Variants in PCSK9 observed in about 807,000 individuals in gnomAD.
PCSK9 encodes the protein convertase subtilisin/kexin type 9 preproprotein.
In PCSK9, 57 loss-of-function variants were observed where a neutral mutation model predicts 62.1. That is an observed-to-expected ratio of 0.92 (90% CI 0.74 to 1.14). The LOEUF is 1.14. Ranked by LOEUF, PCSK9 falls within the 50% of genes most tolerant of loss-of-function variation. The pLI is 0.00. For missense variants in PCSK9, 870 were observed against 959.8 expected, an observed-to-expected ratio of 0.91 and a Z score of 1.24; for synonymous variants, 387 against 409.4, an observed-to-expected ratio of 0.95 and a Z score of 0.66.
In PCSK9 at chr1:55,063,262, C is replaced by T. The variant is rs574293036; in HGVS notation, c.1864-107C>T. The T allele has an allele frequency of 4.6e-4, 557 of 1,216,054 alleles. 7 individuals are homozygous for T. In the South Asian group the frequency reaches 7.0e-3, roughly 15 times the overall value. The allele number at this position is 1,216,054 out of a possible 1,614,324, so 75.3% of individuals were successfully genotyped here. A position where few individuals can be genotyped will look rare whatever the true frequency, so the allele number is the denominator to read the frequency against. ...AAATGGGCTCTGAGCCAGCGAGGGC[C>T]GTCTGCACTTTGGCCTCACAGAAGG... On this transcript the variant is annotated intron_variant, in intron 11 of 11. Coordinates refer to ENST00000302118, the MANE Select transcript of PCSK9 (RefSeq NM_174936.4).
At chr1:55,052,930 G>A in intron 5 of PCSK9, 139 bp downstream of exon 5, 1 of 1,445,164 alleles carries the variant, frequency 6.9e-7, no homozygotes, top group South Asian at 1.2e-5. Flanking sequence ...GAGAACCAGA[G>A]TGCCAAGGCT....
chr1:55,052,360 C>T lies in PCSK9; in HGVS notation c.606C>T (p.Val202=), dbSNP rs760346826. ...DHREIEGRVM[V]TDFENVPEED... ...GGGAAATCGAGGGCAGGGTCATGGT[C>T]ACCGACTTCGAGAATGTGCCCGAGG... The change falls in exon 4 of 12, where the codon GTC becomes GTT. Residue 202 remains valine (V), a synonymous_variant. Transcript: ENST00000302118. 1 of 1,613,978 alleles carries T rather than the reference C, an allele frequency of 6.2e-7. No homozygotes were observed. Among genetic ancestry groups the T allele is most frequent in the South Asian group, 1.1e-5 (1 of 91,064 alleles).
chr1:55,064,572 A>C lies in PCSK9; in HGVS notation c.*988A>C, dbSNP rs1281534890. On this transcript the variant is annotated 3_prime_UTR_variant, in exon 12 of 12. Coordinates refer to ENST00000302118, the MANE Select transcript of PCSK9 (RefSeq NM_174936.4). ...GGCAGAACGATGCCTGCAGGCATGG[A>C]ACTTTTTCCGTTATCACCCAGGCCT... 6.6e-6 allele frequency: 1 copy of C among 152,142 alleles called. No individual in the cohort carries two copies. Among genetic ancestry groups the C allele is most frequent in the Non-Finnish European group, 1.5e-5 (1 of 68,028 alleles). 9.4% of individuals were successfully genotyped at this position (152,142 alleles called of 1,614,324 possible). A position where few individuals can be genotyped will look rare whatever the true frequency, so the allele number is the denominator to read the frequency against.
chr1:55,061,666 T>A, intron 11 of PCSK9, 110 bp downstream of exon 11: 1 of 1,387,058 alleles, frequency 7.2e-7, no homozygotes, highest in South Asian at 1.2e-5. Context: ...GGGTGGCGGT[T>A]TGCCAGGTAG....
chr1:55,040,858 T>C lies in PCSK9; in HGVS notation c.207+814T>C, dbSNP rs1057027246. 1.1e-4 allele frequency among the ~76,000 whole-genome samples: 17 copies of C among 152,216 alleles called. No homozygotes were observed. On this transcript the variant is annotated intron_variant, in intron 1 of 11. Coordinates refer to ENST00000302118, the MANE Select transcript of PCSK9 (RefSeq NM_174936.4). The surrounding 1 kb of genome is among the most constrained non-coding windows in gnomAD (Gnocchi z 4.1). Reference sequence around the variant, plus strand: ...GCGGGGCGAGTTTGCTCAACAACTCTGCCAGCTTCTGGCCCTCAGGCTGTG... The same window carrying C: ...GCGGGGCGAGTTTGCTCAACAACTCCGCCAGCTTCTGGCCCTCAGGCTGTG...
At position 55,058,148 on chromosome 1, in the gene PCSK9, G is replaced by A. The variant is rs777706463; in HGVS notation, c.1293G>A (p.Glu431=). The change falls in exon 8 of 12, where the codon GAG becomes GAA. Residue 431 remains glutamate (E), a synonymous_variant. Coordinates refer to ENST00000302118, the MANE Select transcript of PCSK9 (RefSeq NM_174936.4). The part of the protein sequence containing the change: ...KDVINEAWFP[E]DQRVLTPNLV... ...TCATCAATGAGGCCTGGTTCCCTGA[G>A]GACCAGCGGGTACTGACCCCCAACC... The A allele has an allele frequency of 5.6e-6, 9 of 1,613,458 alleles. No homozygotes were observed. The Admixed American group carries it at 1.0e-4, about 18-fold the overall frequency.
At chr1:55,052,121 G>T in intron 3 of PCSK9, 157 bp from the exon 4 acceptor site, 1 of 996,714 alleles carries the variant, frequency 1.0e-6, no homozygotes. Context: ...TTATAGAATA[G>T]GATGTAGTGT....
chr1:55,058,677 GTGTGTGTGTGT>G, intron 9 of PCSK9, 30 bp downstream of exon 9: 1 of 53,656 alleles, frequency 1.9e-5, no homozygotes, highest in Admixed American at 1.1e-3. Context: ...GTGTGTGTGT[GTGTGTGTGTGT>G]GTGTGTGTGT....
rs1189141189 is a variant in PCSK9, at chr1:55,063,770, C to T, written c.*186C>T. The T allele has an allele frequency of 3.0e-6, 2 of 674,198 alleles. No homozygotes were observed. Among genetic ancestry groups the T allele is most frequent in the Non-Finnish European group, 4.9e-6 (2 of 406,460 alleles). 41.8% of individuals were successfully genotyped at this position (674,198 alleles called of 1,614,324 possible). ...AGCCTCCTTGCCTGGAACTCACTCA[C>T]TCTGGGTGCCTCCTCCCCAGGTGGA... On this transcript the variant is annotated 3_prime_UTR_variant, in exon 12 of 12. Transcript: ENST00000302118.
At chr1:55,063,282 A>C in intron 11 of PCSK9, 87 bp from the exon 12 acceptor site, 2 of 1,448,884 alleles carry the variant, frequency 1.4e-6, no homozygotes, top group African/African-American at 2.8e-5. Context: ...TTGGCCTCAC[A>C]GAAGGATGTC....
In PCSK9 at chr1:55,055,601, C is replaced by A. The variant is rs149253579; in HGVS notation, c.800-392C>A. 4.7e-4 allele frequency among the ~76,000 whole-genome samples: 72 copies of A among 152,242 alleles called. 2 individuals carry two copies. The East Asian group carries it at 0.013, about 27-fold the overall frequency. On this transcript the variant is annotated intron_variant, in intron 5 of 11. Coordinates refer to ENST00000302118, the MANE Select transcript of PCSK9 (RefSeq NM_174936.4). Reference sequence around the variant, plus strand: ...ATTAAGAGTTTCAAGCTCATGTGACCGTGCGGGCTGGCAAGTCTGAAATCC... The same window carrying A: ...ATTAAGAGTTTCAAGCTCATGTGACAGTGCGGGCTGGCAAGTCTGAAATCC...
chr1:55,047,776 G>C (rs1304608819), intron 3 of PCSK9, among the ~76,000 whole-genome samples: 28 of 152,204 alleles, frequency 1.8e-4, no homozygotes, highest in Non-Finnish European at 7.3e-5. Context: ...GAGGGGCCTG[G>C]TCGGTCATGT....
At chr1:55,062,599 A>T (rs1211213641) in intron 11 of PCSK9, among the ~76,000 whole-genome samples, 2 of 152,128 alleles carry the variant, frequency 1.3e-5, no homozygotes, top group Non-Finnish European at 2.9e-5. Flanking sequence ...CTCGCTGACA[A>T]GGTGGACGAA....
rs1157271008 is a variant in PCSK9, at chr1:55,056,087, C to T, written c.894C>T (p.Asn298=). The change falls in exon 6 of 12, where the codon AAC becomes AAT. Residue 298 remains asparagine, a synonymous_variant. Coordinates refer to ENST00000302118, the MANE Select transcript of PCSK9 (RefSeq NM_174936.4). ...CGGGTGGGTACAGCCGCGTCCTCAA[C>T]GCCGCCTGCCAGCGCCTGGCGAGGG... The part of the protein sequence containing the change: ...PLAGGYSRVL[N]AACQRLARAG... 5 of 1,590,832 alleles carry T rather than the reference C, an allele frequency of 3.1e-6. No homozygotes were observed. Among genetic ancestry groups the T allele is most frequent in the South Asian group, 2.2e-5 (2 of 89,262 alleles).
At position 55,058,541 on chromosome 1, in the gene PCSK9, G is replaced by A. The variant is rs72646517; in HGVS notation, c.1397G>A (p.Gly466Glu). The part of the protein sequence containing the change: ...FCRTVWSAHS[G>E]PTRMATAVAR... Reference sequence around the variant, plus strand: ...AGGACTGTATGGTCAGCACACTCGGGGCCTACACGGATGGCCACAGCCGTC... The same window carrying A: ...AGGACTGTATGGTCAGCACACTCGGAGCCTACACGGATGGCCACAGCCGTC... The change falls in exon 9 of 12, where the codon GGG (glycine) becomes GAG (glutamate). Residue 466 changes from glycine (G) to glutamate (E), a missense_variant. By Grantham distance (98) the Gly-to-Glu change is moderately conservative. Coordinates refer to ENST00000302118, the MANE Select transcript of PCSK9 (RefSeq NM_174936.4). The A allele has an allele frequency of 5.6e-6, 9 of 1,612,122 alleles. No homozygotes were observed. The African/African-American group carries it at 1.1e-4, about 19-fold the overall frequency.
chr1:55,051,040 C>T (rs7546522), intron 3 of PCSK9: 50,243 of 418,656 alleles, frequency 0.12, 3,519 homozygotes, highest in Non-Finnish European at 0.15. Context: ...CACCAGCAGC[C>T]ACCAGAAGCC....
At chr1:55,056,390 C>T (rs964493187) in intron 6 of PCSK9, among the ~76,000 whole-genome samples, 17 of 152,192 alleles carry the variant, frequency 1.1e-4, no homozygotes, top group African/African-American at 3.9e-4. Flanking sequence ...GGCTCGAAAC[C>T]TCCATCATCG....
chr1:55,056,233 AGGG>A, intron 6 of PCSK9, 44 bp downstream of exon 6: 1 of 45,328 alleles, frequency 2.2e-5, no homozygotes, highest in Non-Finnish European at 2.8e-5. Context: ...TAGGGGGCGG[AGGG>A]CGGAGGGCGG....
At chr1:55,061,654 C>T (rs189842754) in intron 11 of PCSK9, 98 bp downstream of exon 11, 52 of 1,446,626 alleles carry the variant, frequency 3.6e-5, no homozygotes, top group Admixed American at 3.5e-4. Context: ...CGCCATGCAT[C>T]AGGGTGGCGG....
Sources: allele counts gnomAD v4.1 joint callset (sites outside exome capture counted in the v4.1 genomes callset), GRCh38; gene constraint gnomAD v4.1.1; non-coding constraint Gnocchi (gnomAD v3.1); transcripts MANE v1.5; gene names NCBI Gene and HGNC (gene_info 2026-07-23, HGNC 2026-07-21).